CIAO2A: variants seen among roughly 807,000 people sequenced by gnomAD.
The protein encoded by CIAO2A is MIP18 family protein FAM96A.
CIAO2A carries 17 observed loss-of-function variants against 22.4 expected under a neutral mutation model. The observed-to-expected ratio is 0.76, with a 90% CI of 0.52 to 1.14. The LOEUF is 1.14. CIAO2A is among the 50% of genes most tolerant of loss of function. CIAO2A has a pLI of 0.00. For missense variants in CIAO2A, 192 were observed against 191.4 expected, an observed-to-expected ratio of 1.00 and a Z score of -0.02; for synonymous variants, 74 against 72.3, an observed-to-expected ratio of 1.02 and a Z score of -0.12.
chr15:64,072,862 C>T lies in CIAO2A; in HGVS notation c.*69G>A. On this transcript the variant is annotated 3_prime_UTR_variant, in exon 5 of 5. Transcript: ENST00000300030. ...TCACCTATGTATTAAACATGAGTCT[C>T]TGACATTATACAAAGAGTTTAAACA... 1 of 1,037,666 alleles carries T rather than the reference C, an allele frequency of 9.6e-7. No homozygotes were observed. The highest frequency in any genetic ancestry group is 1.5e-6 in the Non-Finnish European group (1 of 677,674). 64.3% of individuals were successfully genotyped at this position (1,037,666 alleles called of 1,614,324 possible).
In CIAO2A at chr15:64,079,979, T is replaced by C. The variant is rs577052994; in HGVS notation, c.339+1123A>G. Among the ~76,000 whole-genome samples, 17 of 152,320 alleles carry C rather than the reference T, an allele frequency of 1.1e-4. No homozygotes were observed. In the South Asian group the frequency reaches 3.1e-3, roughly 28 times the overall value. ...TAATTCAATAATAAAAAGACATCCTTATTTTAAAATGGGCAAAGGATCTGA... is the reference window on the plus strand; with the variant it reads ...TAATTCAATAATAAAAAGACATCCTCATTTTAAAATGGGCAAAGGATCTGA... On this transcript the variant is annotated intron_variant, in intron 3 of 4. Transcript: ENST00000300030.
chr15:64,089,765 G>A (rs2080825563), intron 1 of CIAO2A, among the ~76,000 whole-genome samples: 1 of 152,174 alleles, frequency 6.6e-6, no homozygotes, highest in East Asian at 1.9e-4. Context: ...AATGATACCA[G>A]CTAAAAACAC....
chr15:64,073,809 G>A (rs1383512574), intron 4 of CIAO2A: 2 of 152,142 alleles, frequency 1.3e-5, no homozygotes, highest in Admixed American at 1.3e-4. Context: ...GGCTAGTCTT[G>A]AAATCCTGGC....
chr15:64,075,549 G>GA lies in CIAO2A; in HGVS notation c.340-13dup, dbSNP rs35387822. Reference sequence around the variant, plus strand: ...ATGTAGATTTCCAACTGGAAAGTGGGAAAAAAAGTAAAAGAAAAAACATTA... The same window carrying GA: ...ATGTAGATTTCCAACTGGAAAGTGGGAAAAAAAAGTAAAAGAAAAAACATTA... On this transcript the variant is annotated splice_polypyrimidine_tract_variant and intron_variant, in intron 3 of 4. Transcript: ENST00000300030. The GA allele has an allele frequency of 0.027, 42,517 of 1,547,114 alleles. 741 individuals carry two copies. Among genetic ancestry groups the GA allele is most frequent in the Non-Finnish European group, 0.033 (37,785 of 1,133,346 alleles).
At chr15:64,085,081 AAAAATAAAAT>A (rs57243810) in intron 2 of CIAO2A, among the ~76,000 whole-genome samples, 102,026 of 148,760 alleles carry the variant, frequency 0.69, 36,150 homozygotes, top group East Asian at 0.81. Flanking sequence ...CTCTGTCTCA[AAAAATAAAAT>A]AAAATAAAAT....
intron 3 of CIAO2A, among the ~76,000 whole-genome samples, chr15:64,075,966 A>C (rs2080714482): frequency 6.6e-6 from 1 of 151,872 alleles, no homozygotes; most frequent in Admixed American, 6.6e-5. Context: ...GCGCCCCCCA[A>C]ATCCTGTTTC....
At chr15:64,081,189 T>C in intron 2 of CIAO2A, 38 bp from the exon 3 acceptor site, 1 of 1,585,758 alleles carries the variant, frequency 6.3e-7, no homozygotes, top group Non-Finnish European at 8.6e-7. Flanking sequence ...TATCTCTTTA[T>C]TGCTTCTTAT....
At chr15:64,077,713 G>T (rs762556443) in intron 3 of CIAO2A, among the ~76,000 whole-genome samples, 1 of 152,152 alleles carries the variant, frequency 6.6e-6, no homozygotes, top group Admixed American at 6.5e-5. Context: ...TGAAATAAAG[G>T]CTAAGGAACT....
At chr15:64,089,373 C>T (rs1049657109) in intron 1 of CIAO2A, among the ~76,000 whole-genome samples, 1 of 151,952 alleles carries the variant, frequency 6.6e-6, no homozygotes, top group South Asian at 2.1e-4. Context: ...AAAATACACA[C>T]AAAAATTAGC....
At chr15:64,082,197 T>C (rs1035983217) in intron 2 of CIAO2A, among the ~76,000 whole-genome samples, 2 of 152,156 alleles carry the variant, frequency 1.3e-5, no homozygotes, top group Non-Finnish European at 2.9e-5. Flanking sequence ...AGATGAGATA[T>C]AATGAGGTGG....
Position 64,072,814 on chromosome 15 carries a change from T to TA in CIAO2A, c.*116dup. 4.9e-6 allele frequency: 3 copies of TA among 612,198 alleles called. No homozygotes were observed. In the Admixed American group the frequency reaches 9.0e-5, roughly 18 times the overall value. 37.9% of individuals were successfully genotyped at this position (612,198 alleles called of 1,614,324 possible). On this transcript the variant is annotated 3_prime_UTR_variant, in exon 5 of 5. Transcript: ENST00000300030. ...TAAATCTCGCTTGGAAAGAATCCTT[T>TA]AAAAAATACTCTGAGGTACAAATCA...
chr15:64,077,074 A>T (rs1489758842), intron 3 of CIAO2A, among the ~76,000 whole-genome samples: 1 of 152,120 alleles, frequency 6.6e-6, no homozygotes, highest in Non-Finnish European at 1.5e-5. Context: ...GCAATTTGGG[A>T]GGCCGAGGCA....
At chr15:64,076,564 G>A (rs902842298) in intron 3 of CIAO2A, among the ~76,000 whole-genome samples, 1 of 152,120 alleles carries the variant, frequency 6.6e-6, no homozygotes, top group African/African-American at 2.4e-5. Context: ...GTGGTAAAGA[G>A]AGTATGCTGT....
chr15:64,080,447 C>G (rs556310467), intron 3 of CIAO2A, among the ~76,000 whole-genome samples: 1 of 151,962 alleles, frequency 6.6e-6, no homozygotes, highest in Non-Finnish European at 1.5e-5. Flanking sequence ...CTTTGAGAGG[C>G]CGAGGCGGGT....
chr15:64,084,192 C>G (rs1284504138), intron 2 of CIAO2A, among the ~76,000 whole-genome samples: 2 of 152,006 alleles, frequency 1.3e-5, no homozygotes, highest in Admixed American at 1.3e-4. Context: ...CAAGCTTTTT[C>G]ATGTTTTTTT....
At chr15:64,078,615 G>A (rs998403759) in intron 3 of CIAO2A, among the ~76,000 whole-genome samples, 27 of 140,530 alleles carry the variant, frequency 1.9e-4, no homozygotes, top group Non-Finnish European at 3.2e-4. Flanking sequence ...CAGCCTGGGC[G>A]ACAGAGCGAG....
At position 64,072,854 on chromosome 15, in the gene CIAO2A, A is replaced by C; in HGVS notation, c.*77T>G. On this transcript the variant is annotated 3_prime_UTR_variant, in exon 5 of 5. Transcript: ENST00000300030. ...GGTACAAATCACCTATGTATTAAAC[A>C]TGAGTCTCTGACATTATACAAAGAG... The C allele has an allele frequency of 3.2e-6, 3 of 934,512 alleles. No individual in the cohort carries two copies. The highest frequency in any genetic ancestry group is 2.9e-4 in the Middle Eastern group (1 of 3,390). 57.9% of individuals were successfully genotyped at this position (934,512 alleles called of 1,614,324 possible).
chr15:64,076,631 CTTA>C (rs1023115780), intron 3 of CIAO2A, among the ~76,000 whole-genome samples: 6 of 151,440 alleles, frequency 4.0e-5, no homozygotes, highest in Non-Finnish European at 7.4e-5. Flanking sequence ...TTTTTATTTA[CTTA>C]TTTACTACGG....
chr15:64,088,861 C>A lies in CIAO2A; in HGVS notation c.125-10G>T. On this transcript the variant is annotated splice_polypyrimidine_tract_variant and intron_variant, in intron 1 of 4. Transcript: ENST00000300030. ...ATAGTTCTAATCAAATCTAAAGAAT[C>A]ATCAGAGATAAGATATTCTATTAAA... is the stretch of plus-strand genomic sequence containing the variant. The A allele has an allele frequency of 6.2e-7, 1 of 1,600,786 alleles. No individual in the cohort carries two copies. Among genetic ancestry groups the A allele is most frequent in the Non-Finnish European group, 8.5e-7 (1 of 1,176,104 alleles).
Sources: gnomAD v4.1 joint callset for allele counts (sites outside exome capture counted in the v4.1 genomes callset) on GRCh38, gnomAD v4.1.1 for gene constraint, MANE v1.5 for transcripts, NCBI Gene and HGNC (gene_info 2026-07-23, HGNC 2026-07-21) for gene names.